Variants in AGBL5 observed in about 807,000 individuals in gnomAD.
AGBL5 encodes the protein AGBL carboxypeptidase 5.
Under a neutral mutation model 88.0 loss-of-function variants are expected in AGBL5, and 51 were observed. That is an observed-to-expected ratio of 0.58 (90% confidence interval 0.46 to 0.73). AGBL5 has a LOEUF of 0.73. AGBL5 is among the 30% of genes least tolerant of loss of function. The pLI, the probability that AGBL5 is intolerant of heterozygous loss-of-function variation, is 0.00. For missense variants in AGBL5, 1,031 were observed against 1,162.2 expected, an observed-to-expected ratio of 0.89 and a Z score of 1.64; for synonymous variants, 446 against 438.8, an observed-to-expected ratio of 1.02 and a Z score of -0.21.
rs1669118521 is a variant in AGBL5, at chr2:27,068,732, G to C, written c.2343G>C (p.Lys781Asn). 3 of 1,614,084 alleles carry C rather than the reference G, an allele frequency of 1.9e-6. No homozygotes were observed. In the East Asian group the frequency reaches 6.7e-5, roughly 36 times the overall value. The change falls in exon 13 of 15, where the codon AAG (lysine) becomes AAC (asparagine). Residue 781 changes from lysine to asparagine, a missense_variant. Coordinates refer to ENST00000360131, the MANE Select transcript of AGBL5 (RefSeq NM_021831.6). ...CTGGAGCTCGGATGCCCTGCATCAA[G>C]ACTCGATTGCAGGTAATATTTTTGG... ...LGTGARMPCI[K>N]TRLQARPRLG... is the part of the protein sequence containing the mutation.
chr2:27,054,957 G>T, intron 5 of AGBL5, 118 bp from the exon 6 acceptor site: 1 of 1,490,762 alleles, frequency 6.7e-7, no homozygotes, highest in Non-Finnish European at 9.1e-7. Context: ...TCCACTTGCA[G>T]ATTCAGCCAG....
chr2:27,059,654 A>T, intron 11 of AGBL5: 1 of 798,506 alleles, frequency 1.3e-6, no homozygotes, highest in Non-Finnish European at 1.9e-6. Context: ...GAGCCAGGGA[A>T]GTTTCCAAGG....
Position 27,053,386 on chromosome 2 carries a change from T to TTAC in AGBL5, c.216-14_216-12dup. 1 of 1,613,224 alleles carries TTAC rather than the reference T, an allele frequency of 6.2e-7. No homozygotes were observed. The highest frequency in any genetic ancestry group is 1.1e-5 in the South Asian group (1 of 90,924). ...CCTTCCACACGTAATGACCTCTCTC[T>TTAC]TACTCTGGTCCTCAGGTCATGGTTC... On this transcript the variant is annotated splice_polypyrimidine_tract_variant and intron_variant, in intron 2 of 14. Transcript: ENST00000360131. The surrounding 1 kb of genome is among the most constrained non-coding windows in gnomAD (Gnocchi z 4.9).
At chr2:27,056,998 A>G in intron 8 of AGBL5, 2 of 590,820 alleles carry the variant, frequency 3.4e-6, no homozygotes, top group Non-Finnish European at 5.6e-6. Context: ...CTCCGTCTCA[A>G]AAAAAAAACA....
At chr2:27,069,198 G>A in intron 13 of AGBL5, 2 of 1,351,704 alleles carry the variant, frequency 1.5e-6, no homozygotes, top group South Asian at 1.3e-5. Context: ...AGGCTGACTG[G>A]ATGGGTGAAG....
upstream of AGBL5, among the ~76,000 whole-genome samples, chr2:27,050,719 C>T (rs1045880922): frequency 2.0e-5 from 3 of 152,220 alleles, no homozygotes; most frequent in Non-Finnish European, 4.4e-5. Context: ...AAGCGGGGGT[C>T]ATGGCTGGAT....
intron 11 of AGBL5, among the ~76,000 whole-genome samples, chr2:27,065,639 A>G (rs936979853): frequency 6.6e-6 from 1 of 152,238 alleles, no homozygotes; most frequent in African/African-American, 2.4e-5. Context: ...AGTACTTTAC[A>G]CATACTAACT....
At chr2:27,055,409 C>A in intron 6 of AGBL5, 156 bp downstream of exon 6, 1 of 1,098,428 alleles carries the variant, frequency 9.1e-7, no homozygotes, top group Non-Finnish European at 1.3e-6. Flanking sequence ...AGCATGAGAT[C>A]ATATCTAGTG....
chr2:27,059,660 C>A, intron 11 of AGBL5: 2 of 749,884 alleles, frequency 2.7e-6, no homozygotes, highest in Non-Finnish European at 4.1e-6. Flanking sequence ...GGGAAGTTTC[C>A]AAGGATGAAA....
intron 12 of AGBL5, 62 bp downstream of exon 12, chr2:27,067,708 CTTT>C (rs1286410322): frequency 6.3e-7 from 1 of 1,598,480 alleles, no homozygotes. Context: ...AGGCCAGGTT[CTTT>C]AAGCCTAGTT....
chr2:27,054,488 C>T (rs894530556), intron 4 of AGBL5, 142 bp from the exon 5 acceptor site: 4 of 755,034 alleles, frequency 5.3e-6, no homozygotes, highest in Admixed American at 5.6e-5. Context: ...AATCCTTAGC[C>T]TCATTTAACA....
Position 27,067,544 on chromosome 2 carries a change from C to T in AGBL5, c.2140C>T (p.Pro714Ser). The T allele has an allele frequency of 6.2e-7, 1 of 1,614,146 alleles. No individual in the cohort carries two copies. The highest frequency in any genetic ancestry group is 1.1e-5 in the South Asian group (1 of 91,080). Residue 714 changes from proline (P) to serine (S), a missense_variant, in exon 12 of 15, where the codon CCT (proline) becomes TCT (serine). Around this residue, in one of 2 missense-constraint regions of AGBL5, gnomAD observed 491 missense variants for 484.0 expected, o/e 1.01. Coordinates refer to ENST00000360131, the MANE Select transcript of AGBL5 (RefSeq NM_021831.6). ...GCAGCAGCAGCCCCTGAACCATCGTCCTGCAGGCAGCCTCGCTCCATCCCC... is the reference window on the plus strand; with the variant it reads ...GCAGCAGCAGCCCCTGAACCATCGTTCTGCAGGCAGCCTCGCTCCATCCCC... ...RRQQQPLNHR[P>S]AGSLAPSPAP...
Position 27,054,753 on chromosome 2 carries a change from G to A in AGBL5, c.675G>A (p.Glu225=), listed in dbSNP as rs1241271403. 1.9e-6 allele frequency: 3 copies of A among 1,613,854 alleles called. No homozygotes were observed. Among genetic ancestry groups the A allele is most frequent in the South Asian group, 1.1e-5 (1 of 91,070 alleles). ...GAGAAGATCGAGAGCCCCGTCTAGA[G>A]CAGCTATTTCCTGATACCAGCACCC... ...GLREDREPRL[E]QLFPDTSTPR... Residue 225 remains glutamate, a synonymous_variant, in exon 5 of 15, where the codon GAG becomes GAA. Transcript: ENST00000360131.
intron 11 of AGBL5, among the ~76,000 whole-genome samples, chr2:27,064,027 G>A (rs971760468): frequency 6.6e-6 from 1 of 152,158 alleles, no homozygotes; most frequent in African/African-American, 2.4e-5. Context: ...GTTTCAGCAT[G>A]CCTGTGTGTG....
At position 27,059,362 on chromosome 2, in the gene AGBL5, A is replaced by G. The variant is rs952682703; in HGVS notation, c.2047A>G (p.Ser683Gly). 2.6e-5 allele frequency: 42 copies of G among 1,614,098 alleles called. No individual in the cohort carries two copies. Among genetic ancestry groups the G allele is most frequent in the Non-Finnish European group, 3.5e-5 (41 of 1,180,038 alleles). Residue 683 changes from serine (S) to glycine (G), a missense_variant, in exon 11 of 15, where the codon AGT becomes GGT. Ser to Gly is a moderately conservative substitution (Grantham distance 56). Transcript: ENST00000360131. ...RPAGLPGLGS[S>G]TQKVTHRVLG... Reference sequence around the variant, plus strand: ...TGCAGGGCTGCCAGGCCTGGGCTCTAGTACCCAAAAGGTCACCCACCGGGT... The same window carrying G: ...TGCAGGGCTGCCAGGCCTGGGCTCTGGTACCCAAAAGGTCACCCACCGGGT...
At chr2:27,056,564 T>C (rs1411436298) in intron 7 of AGBL5, 59 bp from the exon 8 acceptor site, 2 of 1,470,380 alleles carry the variant, frequency 1.4e-6, no homozygotes, top group Non-Finnish European at 9.2e-7. Context: ...TTGCTATCTC[T>C]TCCTTGCACC....
intron 11 of AGBL5, among the ~76,000 whole-genome samples, chr2:27,066,067 T>C (rs1402407418): frequency 6.6e-6 from 1 of 152,086 alleles, no homozygotes; most frequent in Non-Finnish European, 1.5e-5. Flanking sequence ...CAGACCACCC[T>C]GGGCAACATG....
chr2:27,069,553 C>T lies in AGBL5; in HGVS notation c.2356-20C>T, dbSNP rs761063999. The T allele has an allele frequency of 1.9e-5, 30 of 1,609,940 alleles. No homozygotes were observed. In the Admixed American group the frequency reaches 2.7e-4, roughly 14 times the overall value. ...CTCATGGAAGAATCCAGCCTCTTAGCGCAAACCCTGTCCACACAGGCTAGG... is the reference window on the plus strand; with the variant it reads ...CTCATGGAAGAATCCAGCCTCTTAGTGCAAACCCTGTCCACACAGGCTAGG... On this transcript the variant is annotated intron_variant, in intron 13 of 14. Coordinates refer to ENST00000360131, the MANE Select transcript of AGBL5 (RefSeq NM_021831.6).
intron 7 of AGBL5, 56 bp downstream of exon 7, chr2:27,056,194 G>C: frequency 6.4e-7 from 1 of 1,554,512 alleles, no homozygotes; most frequent in Non-Finnish European, 8.7e-7. Context: ...TTAGGAGATG[G>C]GGTTAGGCCA....
Sources: gnomAD v4.1 joint callset for allele counts (sites outside exome capture counted in the v4.1 genomes callset) on GRCh38, gnomAD v4.1.1 for gene constraint, gnomAD v4.1.1 regional missense constraint, Gnocchi (gnomAD v3.1) non-coding constraint, MANE v1.5 for transcripts, NCBI Gene and HGNC (gene_info 2026-07-23, HGNC 2026-07-21) for gene names.